Variants in MID1 observed in about 807,000 individuals in gnomAD.
MID1 encodes the protein midline 1, also known as E3 ubiquitin-protein ligase Midline-1.
A neutral mutation model predicts 40.4 loss-of-function variants in MID1; 7 were observed. The observed-to-expected ratio is 0.17, with a 90% CI of 0.10 to 0.33. The LOEUF (loss-of-function observed/expected upper bound fraction) is 0.33. Ranked by LOEUF, MID1 falls within the 10% of genes least tolerant of loss-of-function variation. The pLI is 1.00. For synonymous variants in MID1, 229 were observed against 221.2 expected, an observed-to-expected ratio of 1.04 and a Z score of -0.31; for missense variants, 367 against 558.5, an observed-to-expected ratio of 0.66 and a Z score of 3.46.
At chrX:10,611,663 C>T (rs1191872803) in intron 1 of MID1, among the ~76,000 whole-genome samples, 1 of 111,426 alleles carries the variant, frequency 9.0e-6, no homozygotes, top group Non-Finnish European at 1.9e-5. Flanking sequence ...GAAATGAATG[C>T]CTTTAAAGAG....
intron 2 of MID1, among the ~76,000 whole-genome samples, chrX:10,543,878 C>T (rs756092795): frequency 3.6e-5 from 4 of 109,720 alleles, no homozygotes; most frequent in South Asian, 4.0e-4. Context: ...TGTTGGCATG[C>T]ACCTGTAATC....
intron 1 of MID1, among the ~76,000 whole-genome samples, chrX:10,765,374 G>C (rs922368859): frequency 8.9e-6 from 1 of 112,276 alleles, no homozygotes; most frequent in Non-Finnish European, 1.9e-5. Flanking sequence ...TCAAAGGCTG[G>C]TATTCAGAGA....
At chrX:10,613,732 TAGAGAGAGAGAG>T (rs1163813461) in intron 1 of MID1, among the ~76,000 whole-genome samples, 76 of 17,479 alleles carry the variant, frequency 4.3e-3, no homozygotes, top group Non-Finnish European at 8.0e-3. Flanking sequence ...TATATATATA[TAGAGAGAGAGAG>T]AGAGAGAGAG....
rs57390547 is a variant in MID1, at chrX:10,593,762, G to GACACACACACACAC, written c.-56-26173_-56-26160dup. ...TCTCTACCTCTGTCTCTGTCCCTCT[G>GACACACACACACAC]ACACACACACACACACACACACACA... On this transcript the variant is annotated intron_variant, in intron 1 of 9. Coordinates refer to ENST00000317552, the MANE Select transcript of MID1 (RefSeq NM_000381.4). Among the ~76,000 whole-genome samples, 219 of 83,332 alleles carry GACACACACACACAC rather than the reference G, an allele frequency of 2.6e-3. 2 individuals carry two copies. The highest frequency in any genetic ancestry group is 7.1e-3 in the African/African-American group (162 of 22,836). The allele number at this position is 83,332 out of a possible 115,157, so 72.4% of individuals were successfully genotyped here. A position where few individuals can be genotyped will look rare whatever the true frequency, so the allele number is the denominator to read the frequency against.
At chrX:10,737,224 AG>A (rs2147106831) in intron 1 of MID1, among the ~76,000 whole-genome samples, 1 of 112,807 alleles carries the variant, frequency 8.9e-6, no homozygotes, top group South Asian at 3.7e-4. Context: ...ATAAGCTCCA[AG>A]GATGAGAGTG....
intron 1 of MID1, among the ~76,000 whole-genome samples, chrX:10,762,905 T>C (rs1188402742): frequency 1.8e-5 from 2 of 112,174 alleles, no homozygotes; most frequent in Non-Finnish European, 3.8e-5. Flanking sequence ...TAGGAAGCAA[T>C]GACAACAGCA....
chrX:10,634,680 C>T (rs1411907578), intron 1 of MID1, among the ~76,000 whole-genome samples: 8 of 111,980 alleles, frequency 7.1e-5, no homozygotes, highest in Non-Finnish European at 1.1e-4. Flanking sequence ...ATGCATTTGA[C>T]GTGCCGTGTT....
intron 1 of MID1, among the ~76,000 whole-genome samples, chrX:10,612,006 C>T (rs770526151): frequency 9.0e-6 from 1 of 111,576 alleles, no homozygotes; most frequent in African/African-American, 3.3e-5. Context: ...TATCAATGTT[C>T]GGGGCTGTCA....
At chrX:10,472,483 G>A (rs1929764576) in intron 6 of MID1, among the ~76,000 whole-genome samples, 1 of 112,401 alleles carries the variant, frequency 8.9e-6, no homozygotes, top group African/African-American at 3.2e-5. Flanking sequence ...AATAATTATT[G>A]GGAAATGGCA....
chrX:10,715,605 C>T (rs149927069), intron 1 of MID1, among the ~76,000 whole-genome samples: 1,878 of 112,049 alleles, frequency 0.017, 39 homozygotes, highest in African/African-American at 0.058. Flanking sequence ...CCTCTGTAGA[C>T]TCCACCTCTA....
At chrX:10,594,230 T>C (rs951309461) in intron 1 of MID1, among the ~76,000 whole-genome samples, 5 of 111,714 alleles carry the variant, frequency 4.5e-5, no homozygotes, top group Non-Finnish European at 9.4e-5. Flanking sequence ...ATGTATTGAG[T>C]ATATATTTTA....
chrX:10,588,557 G>GT (rs779743526), intron 1 of MID1, among the ~76,000 whole-genome samples: 2,032 of 102,438 alleles, frequency 0.02, 26 homozygotes, highest in Admixed American at 0.03. Flanking sequence ...GTATACTGTT[G>GT]TTTTTTTTTT....
At chrX:10,461,565 C>G (rs934481593) in intron 7 of MID1, among the ~76,000 whole-genome samples, 3 of 111,447 alleles carry the variant, frequency 2.7e-5, no homozygotes, top group Non-Finnish European at 3.8e-5. Context: ...ATGCCACAGC[C>G]AAATATTAGA....
intron 1 of MID1, among the ~76,000 whole-genome samples, chrX:10,587,129 G>A (rs1413556164): frequency 1.8e-5 from 2 of 112,326 alleles, no homozygotes; most frequent in Non-Finnish European, 3.8e-5. Context: ...GACCTACAAG[G>A]GGCTTCTCTC....
chrX:10,567,254 G>A lies in MID1; in HGVS notation c.294C>T (p.Ser98=). 2.5e-6 allele frequency: 3 copies of A among 1,207,778 alleles called. No individual in the cohort carries two copies. The highest frequency in any genetic ancestry group is 1.8e-5 in the South Asian group (1 of 56,483). ...CAAAGGCCCGCTCCCGACGGGTCTCGCTGGGAGAGTTGGGCCCGCTCACTG... is the reference window on the plus strand; with the variant it reads ...CAAAGGCCCGCTCCCGACGGGTCTCACTGGGAGAGTTGGGCCCGCTCACTG... ...KASVSGPNSP[S]ETRRERAFDA... The change falls in exon 2 of 10, where the codon AGC becomes AGT. Residue 98 remains serine (S), a synonymous_variant. Coordinates refer to ENST00000317552, the MANE Select transcript of MID1 (RefSeq NM_000381.4).
At chrX:10,735,299 T>C (rs772680518) in intron 1 of MID1, among the ~76,000 whole-genome samples, 10 of 111,505 alleles carry the variant, frequency 9.0e-5, no homozygotes, top group Non-Finnish European at 1.7e-4. Flanking sequence ...ATGGGGTTTC[T>C]CCATGTTGGC....
At chrX:10,615,297 G>A (rs1165209613) in intron 1 of MID1, among the ~76,000 whole-genome samples, 2 of 112,183 alleles carry the variant, frequency 1.8e-5, no homozygotes, top group African/African-American at 3.2e-5. Context: ...CCTTACCAAA[G>A]TCATATTTGG....
chrX:10,566,010 A>G (rs945946737), intron 2 of MID1, among the ~76,000 whole-genome samples: 37 of 110,084 alleles, frequency 3.4e-4, no homozygotes, highest in African/African-American at 1.2e-3. Flanking sequence ...GGGTTCCACC[A>G]TGTTGGCCAG....
chrX:10,754,563 T>C (rs1355564912), intron 1 of MID1, among the ~76,000 whole-genome samples: 2 of 111,444 alleles, frequency 1.8e-5, no homozygotes, highest in African/African-American at 6.5e-5. Flanking sequence ...AAATTTTATC[T>C]TTTAAAATAA....
Sources: allele counts gnomAD v4.1 joint callset (sites outside exome capture counted in the v4.1 genomes callset), GRCh38; gene constraint gnomAD v4.1.1; transcripts MANE v1.5; gene names NCBI Gene and HGNC (gene_info 2026-07-23, HGNC 2026-07-21).